Variants in LGMN observed in about 807,000 individuals in gnomAD.
LGMN encodes the protein legumain, also known as asparaginyl endopeptidase.
A neutral mutation model predicts 56.8 loss-of-function variants in LGMN; 36 were observed. That is an observed-to-expected ratio of 0.63 (90% CI 0.49 to 0.84). The LOEUF is 0.84. Ranked by LOEUF, LGMN falls within the 40% of genes least tolerant of loss-of-function variation. The probability of loss-of-function intolerance (pLI) is 0.00; values close to 1 mark genes in which losing one functional copy is unlikely to be tolerated. For missense variants in LGMN, 446 were observed against 556.1 expected, an observed-to-expected ratio of 0.80 and a Z score of 1.99; for synonymous variants, 199 against 210.1, an observed-to-expected ratio of 0.95 and a Z score of 0.46.
In LGMN at chr14:92,725,126, T is replaced by A. The variant is rs1010651; in HGVS notation, c.139-6282A>T. 9.9e-5 allele frequency among the ~76,000 whole-genome samples: 15 copies of A among 152,154 alleles called. No individual in the cohort carries two copies. The East Asian group carries it at 1.7e-3, about 18-fold the overall frequency. ...CAGAGCCATGGTCTTTCCAAGGTCC[T>A]GTGCTGCCTCTGGCATTTACAAGGA... On this transcript the variant is annotated intron_variant, in intron 2 of 13. Transcript: ENST00000334869.
chr14:92,735,219 T>C (rs1891244197), intron 1 of LGMN, among the ~76,000 whole-genome samples: 1 of 151,920 alleles, frequency 6.6e-6, no homozygotes, highest in African/African-American at 2.4e-5. Flanking sequence ...CTGCATTTCT[T>C]TTTTTGAGAC....
chr14:92,729,693 G>A (rs553478802), intron 2 of LGMN, among the ~76,000 whole-genome samples: 2 of 152,192 alleles, frequency 1.3e-5, no homozygotes, highest in Non-Finnish European at 2.9e-5. Context: ...CTATGAAAAT[G>A]TAAGTTTAAA....
intron 11 of LGMN, among the ~76,000 whole-genome samples, chr14:92,709,361 A>C (rs1889613054): frequency 6.6e-6 from 1 of 152,314 alleles, no homozygotes; most frequent in African/African-American, 2.4e-5. Context: ...CAAAATAAAA[A>C]TATCCTCTAA....
chr14:92,731,733 T>G (rs1290548305), intron 2 of LGMN, among the ~76,000 whole-genome samples: 1 of 152,260 alleles, frequency 6.6e-6, no homozygotes, highest in African/African-American at 2.4e-5. Flanking sequence ...CTTTTGGCTC[T>G]TATGAACAAT....
At chr14:92,726,435 CT>C (rs1034352572) in intron 2 of LGMN, among the ~76,000 whole-genome samples, 21 of 152,010 alleles carry the variant, frequency 1.4e-4, no homozygotes, top group African/African-American at 3.9e-4. Context: ...CTATCTGGCC[CT>C]TTATAGAAAA....
chr14:92,709,802 G>A lies in LGMN; in HGVS notation c.890C>T (p.Pro297Leu), dbSNP rs1253859888. Residue 297 changes from proline (P) to leucine (L), a missense_variant, in exon 11 of 14, where the codon CCT (proline) becomes CTT (leucine). Transcript: ENST00000334869. The stretch of plus-strand genomic sequence containing the variant: ...GGTGAGGTCAAGGTGTGTGACTGGA[G>A]GTAGGGGGACGGGAGAACTGGCTTT... ...KRKASSPVPL[P>L]PVTHLDLTPS... is the part of the protein sequence containing the mutation. The A allele has an allele frequency of 1.2e-6, 2 of 1,614,088 alleles. No individual in the cohort carries two copies. Among genetic ancestry groups the A allele is most frequent in the Non-Finnish European group, 1.7e-6 (2 of 1,179,940 alleles).
At chr14:92,713,747 C>T (rs1450872640) in intron 7 of LGMN, 76 bp downstream of exon 7, 11 of 988,130 alleles carry the variant, frequency 1.1e-5, no homozygotes, top group South Asian at 3.8e-5. Flanking sequence ...AGGACGGTCA[C>T]GGGACTGTGG....
In LGMN at chr14:92,719,219, ACACCAC is replaced by A. The variant is rs1217423232; in HGVS notation, c.139-381_139-376del. ...GCCACCAACACCACCACCGCCACCA[ACACCAC>A]CACCGCCACCGCCACCACCGCCACC... On this transcript the variant is annotated intron_variant, in intron 2 of 13. Coordinates refer to ENST00000334869, the MANE Select transcript of LGMN (RefSeq NM_005606.7). Among the ~76,000 whole-genome samples the A allele has an allele frequency of 9.4e-3, 251 of 26,752 alleles. 2 individuals are homozygous for A. The highest frequency in any genetic ancestry group is 0.04 in the African/African-American group (220 of 5,546). The allele number at this position is 26,752 out of a possible 152,430, so 17.6% of individuals were successfully genotyped here. A position where few individuals can be genotyped will look rare whatever the true frequency, so the allele number is the denominator to read the frequency against.
At chr14:92,736,664 A>C (rs1035372500) in intron 1 of LGMN, among the ~76,000 whole-genome samples, 44 of 152,298 alleles carry the variant, frequency 2.9e-4, no homozygotes, top group African/African-American at 1.0e-3. Context: ...AGATATAGGG[A>C]CATCAGGACC....
intron 2 of LGMN, among the ~76,000 whole-genome samples, chr14:92,726,931 A>C (rs1890770517): frequency 6.6e-6 from 1 of 152,198 alleles, no homozygotes; most frequent in African/African-American, 2.4e-5. Flanking sequence ...CTGGCCAGGA[A>C]GACTCGGGAC....
At chr14:92,730,616 GT>G (rs1891003257) in intron 2 of LGMN, among the ~76,000 whole-genome samples, 1 of 152,088 alleles carries the variant, frequency 6.6e-6, no homozygotes, top group South Asian at 2.1e-4. Context: ...TTGATTACAT[GT>G]TGAAATGATA....
Position 92,714,528 on chromosome 14 carries a change from C to A in LGMN, c.405-77G>T. On this transcript the variant is annotated intron_variant, in intron 5 of 13. Transcript: ENST00000334869. The surrounding 1 kb of genome is among the most constrained non-coding windows in gnomAD (Gnocchi z 5.1). ...TATTTCTCTGAAAAGCTGCCCTAATCAAAAAATTAAGAAGTTTGGGGAGTA... is the reference window on the plus strand; with the variant it reads ...TATTTCTCTGAAAAGCTGCCCTAATAAAAAAATTAAGAAGTTTGGGGAGTA... 1 of 1,123,420 alleles carries A rather than the reference C, an allele frequency of 8.9e-7. No homozygotes were observed. The highest frequency in any genetic ancestry group is 1.3e-6 in the Non-Finnish European group (1 of 762,284). The allele number at this position is 1,123,420 out of a possible 1,614,324, so 69.6% of individuals were successfully genotyped here. A position where few individuals can be genotyped will look rare whatever the true frequency, so the allele number is the denominator to read the frequency against.
chr14:92,741,397 C>T (rs1254104380), intron 1 of LGMN: 1 of 152,152 alleles, frequency 6.6e-6, no homozygotes, highest in East Asian at 1.9e-4. Context: ...CCTTAACCAC[C>T]ATCAGGAGTG....
Position 92,712,818 on chromosome 14 carries a change from C to A in LGMN, c.597G>T (p.Pro199=), listed in dbSNP as rs146865133. 1 of 1,613,830 alleles carries A rather than the reference C, an allele frequency of 6.2e-7. No homozygotes were observed. The highest frequency in any genetic ancestry group is 8.5e-7 in the Non-Finnish European group (1 of 1,179,906). Residue 199 remains proline, a synonymous_variant, in exon 8 of 14, where the codon CCG becomes CCT. Coordinates refer to ENST00000334869, the MANE Select transcript of LGMN (RefSeq NM_005606.7). ...CESGSMMNHL[P]DNINVYATTA... ...CCAACCACCTACCATTGATGTTATCCGGCAGGTGGTTCATCATGGACCCAG... is the reference window on the plus strand; with the variant it reads ...CCAACCACCTACCATTGATGTTATCAGGCAGGTGGTTCATCATGGACCCAG...
chr14:92,706,110 A>C (rs1366325913), intron 12 of LGMN, among the ~76,000 whole-genome samples: 1 of 152,152 alleles, frequency 6.6e-6, no homozygotes, highest in East Asian at 1.9e-4. Flanking sequence ...CCTGACTTCA[A>C]CTGTCTTGGG....
chr14:92,746,578 G>T (rs1052360409), intron 1 of LGMN, among the ~76,000 whole-genome samples: 40 of 152,120 alleles, frequency 2.6e-4, no homozygotes, highest in Non-Finnish European at 4.1e-4. Flanking sequence ...AATGACCTCC[G>T]TATCCTTAGT....
rs767405974 is a variant in LGMN at position 92,732,643 on chromosome 14, T to C, written c.138+6A>G. The C allele has an allele frequency of 2.5e-6, 4 of 1,613,158 alleles. No individual in the cohort carries two copies. Among genetic ancestry groups the C allele is most frequent in the East Asian group, 2.2e-5 (1 of 44,896 alleles). On this transcript the variant is annotated splice_donor_region_variant and intron_variant, in intron 2 of 13. Coordinates refer to ENST00000334869, the MANE Select transcript of LGMN (RefSeq NM_005606.7). ...TTAACAAAAAAAAGATTAGTCATTT[T>C]CTTACCTGGTGCCTATAATTATACC... is the stretch of plus-strand genomic sequence containing the variant.
chr14:92,713,760 T>C (rs1202901272), intron 7 of LGMN, 63 bp downstream of exon 7: 6 of 1,105,402 alleles, frequency 5.4e-6, no homozygotes, highest in African/African-American at 3.1e-5. Flanking sequence ...GACTGTGGGC[T>C]CTGCACTCAC....
Position 92,711,828 on chromosome 14 carries a change from A to C in LGMN, c.729+9T>G, listed in dbSNP as rs1211498081. Reference sequence around the variant, plus strand: ...CCCCAGCTGAACAGCCAGCCCCCAAAGGGCTCACCACGTCCGAATCTTCCA... The same window carrying C: ...CCCCAGCTGAACAGCCAGCCCCCAACGGGCTCACCACGTCCGAATCTTCCA... On this transcript the variant is annotated intron_variant, in intron 9 of 13. Transcript: ENST00000334869. 1.2e-6 allele frequency: 2 copies of C among 1,608,422 alleles called. No individual in the cohort carries two copies. Among genetic ancestry groups the C allele is most frequent in the Admixed American group, 3.3e-5 (2 of 60,002 alleles).
Sources: allele counts gnomAD v4.1 joint callset (sites outside exome capture counted in the v4.1 genomes callset), GRCh38; gene constraint gnomAD v4.1.1; non-coding constraint Gnocchi (gnomAD v3.1); transcripts MANE v1.5; gene names NCBI Gene and HGNC (gene_info 2026-07-23, HGNC 2026-07-21).